SHANK2: variants seen among roughly 807,000 people sequenced by gnomAD.
The protein encoded by SHANK2 is SH3 and multiple ankyrin repeat domains 2.
Under a neutral mutation model 133.7 loss-of-function variants are expected in SHANK2, and 43 were observed. The ratio of observed to expected loss-of-function variants is 0.32; its 90% CI spans 0.25 to 0.41. The LOEUF is 0.41. SHANK2 is among the 10% of genes least tolerant of loss of function. The pLI is 1.00. For missense variants in SHANK2, 1,994 were observed against 2,235.8 expected (o/e 0.89, Z 2.18); for synonymous variants, 1,017 against 952.8 (o/e 1.07, Z -1.24).
At chr11:70,864,478 G>C (rs907948313) in intron 11 of SHANK2, 4 of 152,536 alleles carry the variant, frequency 2.6e-5, no homozygotes, top group Non-Finnish European at 5.9e-5. Context: ...CTGTCAGAGA[G>C]GAAACAGAGG....
At chr11:71,245,041 C>T (rs1444768374) in intron 1 of SHANK2, among the ~76,000 whole-genome samples, 1 of 151,704 alleles carries the variant, frequency 6.6e-6, no homozygotes, top group African/African-American at 2.4e-5. Context: ...AGTACAGTGG[C>T]GTGATCACGG....
chr11:70,682,630 C>T (rs1474263277), intron 15 of SHANK2, among the ~76,000 whole-genome samples: 1 of 152,060 alleles, frequency 6.6e-6, no homozygotes, highest in African/African-American at 2.4e-5. Flanking sequence ...TTTTCTAAAA[C>T]AGACAATGAA....
rs55759811 is a variant in SHANK2, at chr11:71,119,578, C to CAAAAA, written c.208-551_208-547dup. ...CTGGCGACAAGGCGAGACTCCATCT[C>CAAAAA]AAAAAAAAAAAAAAAAATTCTCTAG... is the stretch of plus-strand genomic sequence containing the variant. On this transcript the variant is annotated intron_variant, in intron 3 of 25. Coordinates refer to ENST00000601538, the MANE Select transcript of SHANK2 (RefSeq NM_012309.5). Among the ~76,000 whole-genome samples, 34 of 134,446 alleles carry CAAAAA rather than the reference C, an allele frequency of 2.5e-4. 2 individuals carry two copies. The highest frequency in any genetic ancestry group is 2.4e-3 in the Admixed American group (32 of 13,538). 88.2% of individuals were successfully genotyped at this position (134,446 alleles called of 152,430 possible).
chr11:71,095,998 A>G (rs1403250585), intron 6 of SHANK2, among the ~76,000 whole-genome samples: 1 of 136,774 alleles, frequency 7.3e-6, no homozygotes, highest in Non-Finnish European at 1.7e-5. Flanking sequence ...TTCCCCAACT[A>G]GAATGCCGTG....
intron 14 of SHANK2, among the ~76,000 whole-genome samples, chr11:70,789,457 C>T (rs1290962618): frequency 2.6e-5 from 4 of 152,084 alleles, no homozygotes; most frequent in Admixed American, 6.5e-5. Flanking sequence ...AGGGAAGGCA[C>T]GGCTAATCCC....
At chr11:70,901,338 C>T (rs1590812999) in intron 10 of SHANK2, among the ~76,000 whole-genome samples, 2 of 152,204 alleles carry the variant, frequency 1.3e-5, no homozygotes, top group Non-Finnish European at 1.5e-5. Flanking sequence ...CAACAAATGA[C>T]AAATTATTCT....
chr11:70,771,290 G>A (rs909777389), intron 14 of SHANK2, among the ~76,000 whole-genome samples: 5 of 152,126 alleles, frequency 3.3e-5, no homozygotes, highest in African/African-American at 4.8e-5. Context: ...AAGGAGTGAC[G>A]GGCTCTTTCA....
chr11:70,569,824 C>A lies in SHANK2; in HGVS notation c.2062-66893G>T, dbSNP rs1381315464. Among the ~76,000 whole-genome samples, 2 of 151,940 alleles carry A rather than the reference C, an allele frequency of 1.3e-5. No homozygotes were observed. Among genetic ancestry groups the A allele is most frequent in the Non-Finnish European group, 1.5e-5 (1 of 67,984 alleles). On this transcript the variant is annotated intron_variant, in intron 17 of 25. Transcript: ENST00000601538. This position sits in a 1 kb window ranked among gnomAD's most constrained non-coding sequence, Gnocchi z 5.1. ...TGAGCACGGAGGGGGTTCCTCAGCC[C>A]GGGAAAAGGCTGAGGCCGGCACAAA...
At chr11:70,659,997 T>C (rs1196902160) in intron 16 of SHANK2, 45 bp from the exon 17 acceptor site, 1 of 1,613,704 alleles carries the variant, frequency 6.2e-7, no homozygotes, top group African/African-American at 1.3e-5. Flanking sequence ...GGAGATGTCT[T>C]CCAAGTTCAC....
chr11:71,159,370 A>C (rs1255317930), intron 2 of SHANK2, among the ~76,000 whole-genome samples: 3 of 152,170 alleles, frequency 2.0e-5, no homozygotes, highest in African/African-American at 4.8e-5. Flanking sequence ...TCTTAAAAAT[A>C]ATGACCCTTG....
chr11:70,847,579 G>A (rs1246949836), intron 11 of SHANK2, among the ~76,000 whole-genome samples: 2 of 152,234 alleles, frequency 1.3e-5, no homozygotes, highest in Non-Finnish European at 2.9e-5. Flanking sequence ...CGGGGGACCA[G>A]CACTGAAAAC....
intron 10 of SHANK2, among the ~76,000 whole-genome samples, chr11:70,915,722 C>T (rs1267150132): frequency 2.0e-5 from 3 of 152,132 alleles, no homozygotes; most frequent in Non-Finnish European, 2.9e-5. Flanking sequence ...GCGGGACGGA[C>T]GGGATGATGG....
In SHANK2 at chr11:70,522,534, C is replaced by CT. The variant is rs560878504; in HGVS notation, c.2062-19604dup. On this transcript the variant is annotated intron_variant, in intron 17 of 25. Transcript: ENST00000601538. ...ATTCAAACCCCGATCTTATTTCCTC[C>CT]TTTGACTAGAAAGCTCTCTGGTGGT... Among the ~76,000 whole-genome samples, 329 of 152,300 alleles carry CT rather than the reference C, an allele frequency of 2.2e-3. 1 individual carries two copies. Among genetic ancestry groups the CT allele is most frequent in the Non-Finnish European group, 4.1e-3 (281 of 68,034 alleles).
At chr11:70,877,012 C>G (rs1949577547) in intron 11 of SHANK2, among the ~76,000 whole-genome samples, 1 of 152,246 alleles carries the variant, frequency 6.6e-6, no homozygotes, top group South Asian at 2.1e-4. Context: ...GGAACACACA[C>G]ATGGCCCTGG....
At chr11:70,763,433 A>C (rs1204609594) in intron 14 of SHANK2, among the ~76,000 whole-genome samples, 2 of 151,970 alleles carry the variant, frequency 1.3e-5, no homozygotes, top group African/African-American at 4.8e-5. Flanking sequence ...ATGTGGGTGA[A>C]GCATCAGGGC....
intron 14 of SHANK2, among the ~76,000 whole-genome samples, chr11:70,756,912 G>C (rs184426867): frequency 6.6e-6 from 1 of 152,096 alleles, no homozygotes. Context: ...GCAGACCCTG[G>C]GCTCAGACCC....
At chr11:70,503,319 C>T (rs1199925569) in intron 17 of SHANK2, among the ~76,000 whole-genome samples, 1 of 152,156 alleles carries the variant, frequency 6.6e-6, no homozygotes. Flanking sequence ...GCCTGACAGG[C>T]GAGTTCCAGG....
chr11:71,174,430 C>G (rs1555112759), intron 2 of SHANK2, among the ~76,000 whole-genome samples: 1 of 152,076 alleles, frequency 6.6e-6, no homozygotes, highest in African/African-American at 2.4e-5. Flanking sequence ...GCCTGTAATC[C>G]CAGCACTTTG....
intron 4 of SHANK2, among the ~76,000 whole-genome samples, chr11:71,117,295 C>T (rs1179421282): frequency 1.3e-5 from 2 of 152,220 alleles, no homozygotes; most frequent in African/African-American, 4.8e-5. Flanking sequence ...GCTGGGATTA[C>T]AGGCATGAGC....
Sources: allele counts gnomAD v4.1 joint callset (sites outside exome capture counted in the v4.1 genomes callset), GRCh38; gene constraint gnomAD v4.1.1; non-coding constraint Gnocchi (gnomAD v3.1); transcripts MANE v1.5; gene names NCBI Gene and HGNC (gene_info 2026-07-23, HGNC 2026-07-21).